Variants in SGCZ observed in about 807,000 individuals in gnomAD.
The protein encoded by SGCZ is sarcoglycan zeta, also known as zeta-sarcoglycan.
Under a neutral mutation model 41.3 loss-of-function variants are expected in SGCZ, and 40 were observed. That is an observed-to-expected ratio of 0.97 (90% CI 0.75 to 1.26). The LOEUF (loss-of-function observed/expected upper bound fraction) is 1.26. Ranked by LOEUF, SGCZ falls within the 50% of genes most tolerant of loss-of-function variation. The probability of loss-of-function intolerance (pLI) is 0.00; values close to 1 mark genes in which losing one functional copy is unlikely to be tolerated. For missense variants in SGCZ, 552 were observed against 369.8 expected, an observed-to-expected ratio of 1.49 and a Z score of -4.04; for synonymous variants, 206 against 137.5, an observed-to-expected ratio of 1.50 and a Z score of -3.49.
intron 4 of SGCZ, among the ~76,000 whole-genome samples, chr8:14,235,631 G>A (rs1408888059): frequency 6.6e-6 from 1 of 152,136 alleles, no homozygotes; most frequent in African/African-American, 2.4e-5. Flanking sequence ...CTATAGGCGG[G>A]CATTAAGTAG....
intron 1 of SGCZ, among the ~76,000 whole-genome samples, chr8:14,807,431 C>G (rs1448933633): frequency 6.6e-6 from 1 of 151,982 alleles, no homozygotes; most frequent in Non-Finnish European, 1.5e-5. Context: ...TCTTATACAC[C>G]AAGAGCAGAC....
intron 4 of SGCZ, among the ~76,000 whole-genome samples, chr8:14,234,101 A>G (rs1806670990): frequency 6.6e-6 from 1 of 152,062 alleles, no homozygotes; most frequent in African/African-American, 2.4e-5. Flanking sequence ...TAAAGCCTGG[A>G]ACTTCATCAA....
chr8:14,683,245 A>T (rs2117547284), intron 1 of SGCZ, among the ~76,000 whole-genome samples: 1 of 152,286 alleles, frequency 6.6e-6, no homozygotes, highest in Middle Eastern at 3.4e-3. Flanking sequence ...AATGCTTACG[A>T]TTACAATCCA....
intron 4 of SGCZ, among the ~76,000 whole-genome samples, chr8:14,185,944 TGG>T (rs2117034452): frequency 6.6e-6 from 1 of 152,348 alleles, no homozygotes; most frequent in Non-Finnish European, 1.5e-5. Flanking sequence ...ATATTCACCT[TGG>T]AATCTGCGTT....
At chr8:14,594,031 C>T (rs1301258637) in intron 1 of SGCZ, among the ~76,000 whole-genome samples, 1 of 151,792 alleles carries the variant, frequency 6.6e-6, no homozygotes, top group Non-Finnish European at 1.5e-5. Context: ...AAAAATTAGC[C>T]AGGCGTGGTG....
chr8:14,124,551 A>T (rs150391977), intron 5 of SGCZ, among the ~76,000 whole-genome samples: 1 of 152,322 alleles, frequency 6.6e-6, no homozygotes, highest in East Asian at 1.9e-4. Flanking sequence ...TTGCAGATGA[A>T]GATTATATTA....
intron 2 of SGCZ, among the ~76,000 whole-genome samples, chr8:14,333,254 CCAAGGGTGCTAT>C (rs890544874): frequency 6.6e-6 from 1 of 151,864 alleles, no homozygotes; most frequent in African/African-American, 2.4e-5. Context: ...TATCGAAAAG[CCAAGGGTGCTAT>C]CATAAACAAA....
chr8:14,746,371 T>A (rs1326944192), intron 1 of SGCZ, among the ~76,000 whole-genome samples: 2 of 152,106 alleles, frequency 1.3e-5, no homozygotes, highest in Admixed American at 6.6e-5. Flanking sequence ...TACCTGAATA[T>A]GCTCAACTAA....
intron 2 of SGCZ, among the ~76,000 whole-genome samples, chr8:14,544,905 T>C (rs1266551887): frequency 1.3e-5 from 2 of 152,130 alleles, no homozygotes; most frequent in African/African-American, 2.4e-5. Context: ...TAGACCCTTA[T>C]TAGCGGTTCT....
intron 1 of SGCZ, among the ~76,000 whole-genome samples, chr8:15,114,528 A>G (rs1807193926): frequency 6.6e-6 from 1 of 152,200 alleles, no homozygotes; most frequent in African/African-American, 2.4e-5. Flanking sequence ...GCCTTGAATC[A>G]CTATTTGATT....
rs962711902 is a variant in SGCZ, at chr8:14,657,206, G to A, written c.40-102280C>T. ...AATTTTCTTAGTTGAGTGAAGAGACGTATGGATTTTTCCCTGTAACCCCAG... is the reference window on the plus strand; with the variant it reads ...AATTTTCTTAGTTGAGTGAAGAGACATATGGATTTTTCCCTGTAACCCCAG... On this transcript the variant is annotated intron_variant, in intron 1 of 7. Coordinates refer to ENST00000382080, the MANE Select transcript of SGCZ (RefSeq NM_139167.4). 9.9e-5 allele frequency among the ~76,000 whole-genome samples: 15 copies of A among 152,116 alleles called. No homozygotes were observed. The South Asian group carries it at 1.7e-3, about 17-fold the overall frequency.
intron 3 of SGCZ, among the ~76,000 whole-genome samples, chr8:14,242,871 TAA>T (rs775566738): frequency 6.6e-6 from 1 of 151,824 alleles, no homozygotes; most frequent in African/African-American, 2.4e-5. Context: ...CAAACCAATA[TAA>T]AAAAAATAGG....
chr8:14,437,742 A>G (rs1323964386), intron 2 of SGCZ, among the ~76,000 whole-genome samples: 3 of 151,870 alleles, frequency 2.0e-5, no homozygotes, highest in African/African-American at 7.2e-5. Context: ...TTGTATTAAA[A>G]TTTTTATTGT....
intron 1 of SGCZ, among the ~76,000 whole-genome samples, chr8:14,757,519 C>A (rs1799717168): frequency 6.6e-6 from 1 of 152,142 alleles, no homozygotes; most frequent in South Asian, 2.1e-4. Context: ...AACCTCAGAG[C>A]AGTCTAGACT....
intron 1 of SGCZ, among the ~76,000 whole-genome samples, chr8:14,959,737 G>T (rs144016933): frequency 9.2e-4 from 140 of 152,220 alleles, no homozygotes; most frequent in African/African-American, 2.6e-3. Context: ...AATCGTTCAC[G>T]CTTTAATTCT....
In SGCZ at chr8:14,085,105, A is replaced by G. The variant is rs1470061338; in HGVS notation, c.*5338T>C. On this transcript the variant is annotated 3_prime_UTR_variant, in exon 8 of 8. Coordinates refer to ENST00000382080, the MANE Select transcript of SGCZ (RefSeq NM_139167.4). ...AGACTGATTTTTGAATAGATATGTT[A>G]TCTACAGTTTATAGGGCAGACAGTC... Among the ~76,000 whole-genome samples, 2 of 151,808 alleles carry G rather than the reference A, an allele frequency of 1.3e-5. No homozygotes were observed. The highest frequency in any genetic ancestry group is 4.8e-5 in the African/African-American group (2 of 41,410).
At chr8:14,861,002 C>T (rs1393645422) in intron 1 of SGCZ, among the ~76,000 whole-genome samples, 1 of 152,154 alleles carries the variant, frequency 6.6e-6, no homozygotes, top group Non-Finnish European at 1.5e-5. Context: ...TTCTTGCCTT[C>T]GCGTTTAAGT....
intron 1 of SGCZ, among the ~76,000 whole-genome samples, chr8:14,832,066 T>A (rs576294601): frequency 3.2e-4 from 48 of 152,284 alleles, no homozygotes. Context: ...GCAGTTTCAA[T>A]GAAAACGACA....
At chr8:14,577,501 G>C (rs1303562028) in intron 1 of SGCZ, among the ~76,000 whole-genome samples, 3 of 145,328 alleles carry the variant, frequency 2.1e-5, no homozygotes, top group Non-Finnish European at 4.5e-5. Context: ...CAATTCTCCT[G>C]TCTCAGCCTC....
Sources: allele counts gnomAD v4.1 joint callset (sites outside exome capture counted in the v4.1 genomes callset), GRCh38; gene constraint gnomAD v4.1.1; transcripts MANE v1.5; gene names NCBI Gene and HGNC (gene_info 2026-07-23, HGNC 2026-07-21).